The following MYO9A variants were observed in gnomAD, a reference collection of about 807,000 sequenced individuals.
MYO9A encodes the protein myosin IXA.
Under a neutral mutation model 293.3 loss-of-function variants are expected in MYO9A, and 103 were observed. The observed-to-expected ratio is 0.35, with a 90% CI of 0.30 to 0.41. The LOEUF (loss-of-function observed/expected upper bound fraction) is 0.41, where lower values mean the gene tolerates loss of function less well. Among genes scored for constraint, MYO9A ranks in the 10% least tolerant of loss-of-function variants. The probability of loss-of-function intolerance (pLI) is 1.00; values close to 1 mark genes in which losing one functional copy is unlikely to be tolerated. For missense variants in MYO9A, 2,685 were observed against 3,033.0 expected, an observed-to-expected ratio of 0.89 and a Z score of 2.69; for synonymous variants, 1,001 against 1,035.7, an observed-to-expected ratio of 0.97 and a Z score of 0.64.
intron 1 of MYO9A, among the ~76,000 whole-genome samples, chr15:72,105,939 G>A (rs1318100490): frequency 1.3e-5 from 2 of 151,944 alleles, no homozygotes; most frequent in Non-Finnish European, 2.9e-5. Context: ...ATAGAATATT[G>A]TGTCTCCGTA....
At chr15:72,080,708 C>A (rs1350657960) in intron 1 of MYO9A, among the ~76,000 whole-genome samples, 1 of 151,960 alleles carries the variant, frequency 6.6e-6, no homozygotes, top group Admixed American at 6.6e-5. Flanking sequence ...ATTTCATCAC[C>A]CAGGTATTAA....
intron 34 of MYO9A, among the ~76,000 whole-genome samples, chr15:71,857,013 T>C (rs2055890699): frequency 1.3e-5 from 2 of 152,218 alleles, no homozygotes; most frequent in Admixed American, 1.3e-4. Flanking sequence ...TAAGGCTTGC[T>C]GTAATGATTA....
intron 23 of MYO9A, 40 bp downstream of exon 23, chr15:71,901,151 A>G: frequency 8.3e-6 from 13 of 1,569,158 alleles, no homozygotes; most frequent in Non-Finnish European, 1.0e-5. Context: ...AAGGCCAAAT[A>G]AACTAGTCAA....
At chr15:71,904,526 A>G (rs2057575250) in intron 20 of MYO9A, among the ~76,000 whole-genome samples, 1 of 152,124 alleles carries the variant, frequency 6.6e-6, no homozygotes, top group Admixed American at 6.5e-5. Context: ...GGTGGTGCAC[A>G]CCTGTAGTCC....
intron 32 of MYO9A, among the ~76,000 whole-genome samples, chr15:71,871,335 A>G (rs537320434): frequency 6.6e-6 from 1 of 152,306 alleles, no homozygotes; most frequent in South Asian, 2.1e-4. Flanking sequence ...TCATTACGCC[A>G]CTGCACTTCA....
intron 1 of MYO9A, among the ~76,000 whole-genome samples, chr15:72,090,085 A>G (rs1472826674): frequency 6.6e-5 from 10 of 152,232 alleles, no homozygotes; most frequent in Non-Finnish European, 1.3e-4. Flanking sequence ...CTGCATGGTC[A>G]TTAGAATTAG....
intron 1 of MYO9A, among the ~76,000 whole-genome samples, chr15:72,070,428 G>A (rs2079155299): frequency 6.6e-6 from 1 of 151,566 alleles, no homozygotes; most frequent in Non-Finnish European, 1.5e-5. Flanking sequence ...ACTCTGGCCT[G>A]GGCAACAGAT....
At chr15:72,028,214 A>AATAAATATATATATATATATATAT (rs2077736529) in intron 3 of MYO9A, among the ~76,000 whole-genome samples, 2 of 37,550 alleles carry the variant, frequency 5.3e-5, no homozygotes, top group Non-Finnish European at 6.7e-5. Context: ...TAAATAAATA[A>AATAAATATATATATATATATATAT]ATAAATATAT....
At chr15:72,105,610 C>A (rs996054070) in intron 1 of MYO9A, among the ~76,000 whole-genome samples, 2 of 148,652 alleles carry the variant, frequency 1.3e-5, no homozygotes, top group Admixed American at 6.9e-5. Context: ...CAGGTTGAAG[C>A]GATTCTCCTG....
chr15:71,846,757 AT>A (rs2055405516), intron 39 of MYO9A, among the ~76,000 whole-genome samples: 1 of 428 alleles, frequency 2.3e-3, no homozygotes, highest in Non-Finnish European at 5.6e-3. Flanking sequence ...TCAGCCTTCC[AT>A]CCCCCCCATT....
At chr15:71,847,302 GC>G (rs1433967430) in intron 39 of MYO9A, 1 of 339,404 alleles carries the variant, frequency 2.9e-6, no homozygotes, top group African/African-American at 2.1e-5. Flanking sequence ...CTGACTTGGG[GC>G]CGAACATGGA....
Position 71,935,322 on chromosome 15 carries a change from A to G in MYO9A, c.2522+19T>C, listed in dbSNP as rs2058608990. The G allele has an allele frequency of 1.3e-6, 2 of 1,542,142 alleles. No homozygotes were observed. Among genetic ancestry groups the G allele is most frequent in the South Asian group, 1.3e-5 (1 of 78,682 alleles). ...AAACAAAAAACAAAAAACAATTTAC[A>G]TTACTGATTAGTACTGACGTGAGAA... On this transcript the variant is annotated intron_variant, in intron 17 of 41. Transcript: ENST00000356056.
chr15:72,098,477 A>G (rs1423381241), intron 1 of MYO9A, among the ~76,000 whole-genome samples: 3 of 152,180 alleles, frequency 2.0e-5, no homozygotes, highest in Non-Finnish European at 4.4e-5. Flanking sequence ...CCTAAATAAT[A>G]TATGTGACCA....
intron 1 of MYO9A, among the ~76,000 whole-genome samples, chr15:72,079,721 C>A (rs2079481738): frequency 6.6e-6 from 1 of 152,084 alleles, no homozygotes; most frequent in South Asian, 2.1e-4. Context: ...CTTGATCTCT[C>A]TTAAGAGGAT....
intron 10 of MYO9A, among the ~76,000 whole-genome samples, chr15:71,993,983 C>A (rs1277091947): frequency 6.7e-6 from 1 of 150,156 alleles, no homozygotes; most frequent in African/African-American, 2.4e-5. Context: ...AGCAATCCCA[C>A]TTTGATAATG....
At chr15:72,002,462 C>T (rs1331082129) in intron 8 of MYO9A, among the ~76,000 whole-genome samples, 3 of 152,016 alleles carry the variant, frequency 2.0e-5, no homozygotes, top group Non-Finnish European at 4.4e-5. Flanking sequence ...CCTTGGCCTC[C>T]CAAAGTGCTG....
At chr15:71,975,437 G>A (rs1021464931) in intron 12 of MYO9A, among the ~76,000 whole-genome samples, 8 of 128,148 alleles carry the variant, frequency 6.2e-5, no homozygotes, top group Non-Finnish European at 1.0e-4. Flanking sequence ...GTAGGTTTTC[G>A]TCCATGGTTC....
chr15:71,869,259 A>T (rs2056433357), intron 32 of MYO9A, among the ~76,000 whole-genome samples: 1 of 152,210 alleles, frequency 6.6e-6, no homozygotes, highest in African/African-American at 2.4e-5. Context: ...AACCTTGCAG[A>T]TATCAACCAC....
rs780441301 is a variant in MYO9A at position 72,095,734 on chromosome 15, T to C, written c.-72+21946A>G. Among the ~76,000 whole-genome samples the C allele has an allele frequency of 4.3e-5, 4 of 91,970 alleles. 2 individuals carry two copies. Among genetic ancestry groups the C allele is most frequent in the Non-Finnish European group, 1.3e-4 (4 of 30,404 alleles). The allele number at this position is 91,970 out of a possible 152,430, so 60.3% of individuals were successfully genotyped here. On this transcript the variant is annotated intron_variant, in intron 1 of 41. Transcript: ENST00000356056. ...GGGCTAAGGCAGCTAATGACTAAGC[T>C]GAAACCAATGCTCATTGACCATTCT...
Sources: allele counts gnomAD v4.1 joint callset (sites outside exome capture counted in the v4.1 genomes callset), GRCh38; gene constraint gnomAD v4.1.1; transcripts MANE v1.5; gene names NCBI Gene and HGNC (gene_info 2026-07-23, HGNC 2026-07-21).